The following ALOX5AP variants were observed in gnomAD, a reference collection of about 807,000 sequenced individuals.
The protein encoded by ALOX5AP is arachidonate 5-lipoxygenase activating protein.
Under a neutral mutation model 18.5 loss-of-function variants are expected in ALOX5AP, and 9 were observed. The ratio of observed to expected loss-of-function variants is 0.49; its 90% CI spans 0.29 to 0.85. The LOEUF (loss-of-function observed/expected upper bound fraction) is 0.85. Among genes scored for constraint, ALOX5AP ranks in the 40% least tolerant of loss-of-function variants. The probability of loss-of-function intolerance (pLI) is 0.08; values close to 1 mark genes in which losing one functional copy is unlikely to be tolerated. For missense variants in ALOX5AP, 172 were observed against 202.5 expected, an observed-to-expected ratio of 0.85 and a Z score of 0.91; for synonymous variants, 81 against 78.6, an observed-to-expected ratio of 1.03 and a Z score of -0.16.
chr13:30,714,220 A>T (rs1181867678), intron 1 of ALOX5AP, among the ~76,000 whole-genome samples: 1 of 151,740 alleles, frequency 6.6e-6, no homozygotes, highest in Non-Finnish European at 1.5e-5. Context: ...AAAAAAAAAA[A>T]AAAAAGGCCT....
At chr13:30,726,140 T>C (rs1170361395) in intron 1 of ALOX5AP, among the ~76,000 whole-genome samples, 2 of 152,174 alleles carry the variant, frequency 1.3e-5, no homozygotes, top group Non-Finnish European at 2.9e-5. Flanking sequence ...GTGGGGGGAA[T>C]GCTTCCATCA....
intron 2 of ALOX5AP, among the ~76,000 whole-genome samples, chr13:30,745,181 C>A (rs1951799696): frequency 6.6e-6 from 1 of 152,204 alleles, no homozygotes; most frequent in South Asian, 2.1e-4. Flanking sequence ...GCCTATATCA[C>A]ACTCACTGAT....
chr13:30,745,282 C>T lies in ALOX5AP; in HGVS notation c.170+1123C>T, dbSNP rs778496536. ...GAGGGGATTGGAGGGGGCATCTCCT[C>T]CATTGCAGTTTTTCATTGGCTGCTT... On this transcript the variant is annotated intron_variant, in intron 2 of 4. Transcript: ENST00000380490. Among the ~76,000 whole-genome samples the T allele has an allele frequency of 2.7e-4, 41 of 152,296 alleles. 1 individual carries two copies. Among genetic ancestry groups the T allele is most frequent in the Middle Eastern group, 3.4e-3 (1 of 294 alleles).
chr13:30,736,630 T>C (rs746637555), intron 1 of ALOX5AP, among the ~76,000 whole-genome samples: 9 of 152,234 alleles, frequency 5.9e-5, no homozygotes, highest in Non-Finnish European at 1.2e-4. Context: ...TTTTCCCCCA[T>C]CTTGAGTGTG....
chr13:30,757,570 A>G (rs1284531578), intron 4 of ALOX5AP, among the ~76,000 whole-genome samples: 1 of 152,104 alleles, frequency 6.6e-6, no homozygotes, highest in Non-Finnish European at 1.5e-5. Flanking sequence ...AATGTCTAGC[A>G]ATGAAATAAG....
intron 1 of ALOX5AP, among the ~76,000 whole-genome samples, chr13:30,736,218 A>C (rs1484657234): frequency 2.0e-5 from 3 of 151,016 alleles, no homozygotes; most frequent in Non-Finnish European, 4.4e-5. Flanking sequence ...TTTTGGTGAT[A>C]CCTTCTTTTT....
At chr13:30,733,039 G>T (rs1258576671), upstream of ALOX5AP, among the ~76,000 whole-genome samples, 4 of 151,764 alleles carry the variant, frequency 2.6e-5, no homozygotes, top group East Asian at 7.8e-4. Flanking sequence ...GGTGCCTGTA[G>T]TCCCAGCTAC....
At chr13:30,720,525 G>T (rs1951585841) in intron 1 of ALOX5AP, among the ~76,000 whole-genome samples, 1 of 152,186 alleles carries the variant, frequency 6.6e-6, no homozygotes, top group African/African-American at 2.4e-5. Context: ...AGTGTTAAAA[G>T]TTGACAAACA....
intron 1 of ALOX5AP, among the ~76,000 whole-genome samples, chr13:30,719,822 G>A (rs1951579283): frequency 6.6e-6 from 1 of 152,010 alleles, no homozygotes; most frequent in Admixed American, 6.5e-5. Context: ...CAGTAGGACT[G>A]TAGTTCAAAT....
At chr13:30,727,451 C>T (rs1016880799) in intron 1 of ALOX5AP, among the ~76,000 whole-genome samples, 14 of 152,262 alleles carry the variant, frequency 9.2e-5, no homozygotes, top group African/African-American at 2.6e-4. Flanking sequence ...AGTGGGCCTA[C>T]GCTGGAGCCA....
chr13:30,724,373 A>C (rs1443735753), intron 1 of ALOX5AP, among the ~76,000 whole-genome samples: 4 of 152,190 alleles, frequency 2.6e-5, no homozygotes, highest in Non-Finnish European at 5.9e-5. Context: ...GCTTTGAACT[A>C]TTTTGAATCC....
chr13:30,719,296 G>C (rs1566078047), intron 1 of ALOX5AP, among the ~76,000 whole-genome samples: 1 of 152,246 alleles, frequency 6.6e-6, no homozygotes, highest in African/African-American at 2.4e-5. Context: ...GTCATGTAAT[G>C]ATGACTCTCT....
chr13:30,716,567 G>T (rs1951551996), intron 1 of ALOX5AP, among the ~76,000 whole-genome samples: 1 of 152,172 alleles, frequency 6.6e-6, no homozygotes, highest in African/African-American at 2.4e-5. Context: ...ACCTCACTTT[G>T]CAGCTCTGTG....
intron 1 of ALOX5AP, among the ~76,000 whole-genome samples, chr13:30,724,022 C>T (rs1951616602): frequency 6.6e-6 from 1 of 152,136 alleles, no homozygotes; most frequent in South Asian, 2.1e-4. Flanking sequence ...AACCATGTAA[C>T]CATCACCAAA....
intron 2 of ALOX5AP, among the ~76,000 whole-genome samples, chr13:30,744,622 C>T (rs1031132967): frequency 1.8e-4 from 28 of 152,144 alleles, no homozygotes; most frequent in Non-Finnish European, 1.8e-4. Flanking sequence ...TTTTCTAACA[C>T]GGGGGCTCCT....
chr13:30,736,038 A>G (rs1347733065), intron 1 of ALOX5AP, among the ~76,000 whole-genome samples: 1 of 152,208 alleles, frequency 6.6e-6, no homozygotes, highest in Non-Finnish European at 1.5e-5. Flanking sequence ...GGAACATGAT[A>G]TACACATTTA....
At chr13:30,757,341 G>A (rs891149835) in intron 4 of ALOX5AP, among the ~76,000 whole-genome samples, 4 of 152,118 alleles carry the variant, frequency 2.6e-5, no homozygotes, top group Non-Finnish European at 5.9e-5. Context: ...GGCTGCAGCT[G>A]GAAAAAGAAT....
chr13:30,752,103 G>A lies in ALOX5AP; in HGVS notation c.222G>A (p.Ala74=), dbSNP rs200393677. ...CTTTCCTCGCTGTGCTCTGGTCTGCGGGGCTACTTTGCAGCCAAGGTAACT... is the reference window on the plus strand; with the variant it reads ...CTTTCCTCGCTGTGCTCTGGTCTGCAGGGCTACTTTGCAGCCAAGGTAACT... The part of the protein sequence containing the change: ...YPTFLAVLWS[A]GLLCSQVPAA... Residue 74 remains alanine (A), a synonymous_variant, in exon 3 of 5, where the codon GCG becomes GCA. Coordinates refer to ENST00000380490, the MANE Select transcript of ALOX5AP (RefSeq NM_001629.4). The A allele has an allele frequency of 2.0e-5, 33 of 1,613,930 alleles. No homozygotes were observed. Among genetic ancestry groups the A allele is most frequent in the South Asian group, 7.7e-5 (7 of 91,072 alleles).
At chr13:30,733,075 C>A (rs752700473), upstream of ALOX5AP, among the ~76,000 whole-genome samples, 1 of 149,436 alleles carries the variant, frequency 6.7e-6, no homozygotes, top group Non-Finnish European at 1.5e-5. Flanking sequence ...AGGAGAATGG[C>A]GTGAACCCGG....
Sources: gnomAD v4.1 joint callset for allele counts (sites outside exome capture counted in the v4.1 genomes callset) on GRCh38, gnomAD v4.1.1 for gene constraint, MANE v1.5 for transcripts, NCBI Gene and HGNC (gene_info 2026-07-23, HGNC 2026-07-21) for gene names.